JARID2: variants seen among roughly 807,000 people sequenced by gnomAD.
JARID2 encodes protein Jumonji.
A neutral mutation model predicts 125.6 loss-of-function variants in JARID2; 21 were observed. The ratio of observed to expected loss-of-function variants is 0.17; its 90% CI spans 0.12 to 0.24. JARID2 has a LOEUF of 0.24. Ranked by LOEUF, JARID2 falls within the 10% of genes least tolerant of loss-of-function variation. JARID2 has a pLI of 1.00. For missense variants in JARID2, 1,303 were observed against 1,639.6 expected (o/e 0.79, Z 3.55); for synonymous variants, 736 against 661.6 (o/e 1.11, Z -1.73).
At chr6:15,398,011 G>T (rs1382991107) in intron 2 of JARID2, among the ~76,000 whole-genome samples, 2 of 152,154 alleles carry the variant, frequency 1.3e-5, no homozygotes, top group Non-Finnish European at 2.9e-5. Context: ...AATAAGCAAG[G>T]CCACGGATGG....
intron 1 of JARID2, among the ~76,000 whole-genome samples, chr6:15,366,259 C>T (rs1039448140): frequency 2.5e-4 from 38 of 152,002 alleles, no homozygotes; most frequent in African/African-American, 8.7e-4. Flanking sequence ...AGTCATTTAT[C>T]CTTGGGAGGA....
chr6:15,356,667 G>A (rs887567387), intron 1 of JARID2, among the ~76,000 whole-genome samples: 2 of 152,212 alleles, frequency 1.3e-5, no homozygotes, highest in East Asian at 3.9e-4. Context: ...AGAGACAAGC[G>A]ACTGAGTTGT....
At chr6:15,249,311 C>A (rs895413356) in intron 1 of JARID2, among the ~76,000 whole-genome samples, 1 of 152,160 alleles carries the variant, frequency 6.6e-6, no homozygotes, top group Non-Finnish European at 1.5e-5. Context: ...GTTGCTCTTT[C>A]TGGAAGCTTT....
intron 3 of JARID2, among the ~76,000 whole-genome samples, chr6:15,419,011 T>A (rs1255509875): frequency 6.6e-6 from 1 of 152,218 alleles, no homozygotes; most frequent in Non-Finnish European, 1.5e-5. Flanking sequence ...GAATTGGGAT[T>A]ATTCAAAGTG....
rs1283084995 is a variant in JARID2 at position 15,246,325 on chromosome 6, G to C, written c.-215G>C. On this transcript the variant is annotated 5_prime_UTR_variant, in exon 1 of 18. Coordinates refer to ENST00000341776, the MANE Select transcript of JARID2 (RefSeq NM_004973.4). The stretch of plus-strand genomic sequence containing the variant: ...TACTAAAGTGAATTTTTTTTTGTTT[G>C]CTTCGTTCGTCTTTGGCTCTTTTTT... 2.0e-6 allele frequency: 1 copy of C among 490,862 alleles called. No homozygotes were observed. Among genetic ancestry groups the C allele is most frequent in the African/African-American group, 2.1e-5 (1 of 48,690 alleles). The allele number at this position is 490,862 out of a possible 1,614,324, so 30.4% of individuals were successfully genotyped here. A position where few individuals can be genotyped will look rare whatever the true frequency, so the allele number is the denominator to read the frequency against.
chr6:15,465,659 A>G (rs1055262028), intron 4 of JARID2, among the ~76,000 whole-genome samples: 2 of 151,700 alleles, frequency 1.3e-5, no homozygotes, highest in African/African-American at 4.8e-5. Context: ...TTTTAAAAAA[A>G]TCCTCAACAG....
In JARID2 at chr6:15,468,697, A is replaced by G. The variant is rs2127675954; in HGVS notation, c.649A>G (p.Lys217Glu). ...GACCCCCAGGAAAGGAAAAACCCAC[A>G]AACATGTTCACAACGGGCATGGTAG... Reference protein sequence around the residue: ...QSTPRKGKTHKHVHNGHVFNG... With the variant: ...QSTPRKGKTHEHVHNGHVFNG... Residue 217 changes from lysine to glutamate, a missense_variant, in exon 5 of 18, where the codon AAA becomes GAA. Coordinates refer to ENST00000341776, the MANE Select transcript of JARID2 (RefSeq NM_004973.4). 4 of 1,613,484 alleles carry G rather than the reference A, an allele frequency of 2.5e-6. No individual in the cohort carries two copies. The highest frequency in any genetic ancestry group is 3.4e-6 in the Non-Finnish European group (4 of 1,179,704).
chr6:15,327,269 G>A (rs707827), intron 1 of JARID2, among the ~76,000 whole-genome samples: 81,536 of 151,786 alleles, frequency 0.54, 22,844 homozygotes, highest in Admixed American at 0.66. Context: ...TTTAAGAGAC[G>A]GTCTTGCCCT....
chr6:15,393,370 T>C (rs931726359), intron 2 of JARID2, among the ~76,000 whole-genome samples: 2 of 152,272 alleles, frequency 1.3e-5, no homozygotes, highest in East Asian at 3.8e-4. Context: ...ATTTACCTTA[T>C]GTAGGTTTTC....
At chr6:15,448,618 A>G (rs1268902447) in intron 3 of JARID2, among the ~76,000 whole-genome samples, 2 of 152,242 alleles carry the variant, frequency 1.3e-5, no homozygotes, top group African/African-American at 4.8e-5. Context: ...ATTAAAAACC[A>G]GCAATTTTTC....
chr6:15,272,079 C>G (rs530392595), intron 1 of JARID2, among the ~76,000 whole-genome samples: 1 of 152,110 alleles, frequency 6.6e-6, no homozygotes, highest in Non-Finnish European at 1.5e-5. Context: ...GAGCCAGGAT[C>G]GTGCCATTGC....
intron 1 of JARID2, among the ~76,000 whole-genome samples, chr6:15,323,824 AGAAGAT>A (rs1196695524): frequency 6.6e-6 from 1 of 152,070 alleles, no homozygotes; most frequent in African/African-American, 2.4e-5. Flanking sequence ...CCCTGGAGGC[AGAAGAT>A]GCAGTGAGCT....
intron 6 of JARID2, among the ~76,000 whole-genome samples, chr6:15,491,993 G>A (rs768088111): frequency 1.3e-5 from 2 of 152,208 alleles, no homozygotes; most frequent in South Asian, 2.1e-4. Context: ...CTGGCCGAAC[G>A]TAACTTGAAA....
chr6:15,467,285 T>A (rs1768785469), intron 4 of JARID2, among the ~76,000 whole-genome samples: 1 of 152,180 alleles, frequency 6.6e-6, no homozygotes. Flanking sequence ...ATCTTTGAGA[T>A]CTCTATTTAG....
chr6:15,404,664 G>C (rs1300574495), intron 2 of JARID2, among the ~76,000 whole-genome samples: 1 of 152,166 alleles, frequency 6.6e-6, no homozygotes, highest in Non-Finnish European at 1.5e-5. Flanking sequence ...CAGGGTGACA[G>C]ACGGCATTGG....
chr6:15,257,847 C>T (rs1407197571), intron 1 of JARID2, among the ~76,000 whole-genome samples: 2 of 152,144 alleles, frequency 1.3e-5, no homozygotes, highest in African/African-American at 4.8e-5. Context: ...CTTCCTGTGT[C>T]CTCTCTCAGG....
chr6:15,270,167 A>G (rs1423910464), intron 1 of JARID2, among the ~76,000 whole-genome samples: 1 of 151,746 alleles, frequency 6.6e-6, no homozygotes, highest in African/African-American at 2.4e-5. Flanking sequence ...ACTTTCACTC[A>G]TGTTGCCCAG....
chr6:15,348,687 A>G (rs1037698012), intron 1 of JARID2, among the ~76,000 whole-genome samples: 1 of 152,056 alleles, frequency 6.6e-6, no homozygotes, highest in Admixed American at 6.6e-5. Context: ...ATTGTTCTTT[A>G]TTCTTCGCTG....
At chr6:15,487,268 A>G in intron 5 of JARID2, 39 bp from the exon 6 acceptor site, 2 of 1,554,470 alleles carry the variant, frequency 1.3e-6, no homozygotes, top group Non-Finnish European at 1.8e-6. Context: ...GTAGTGGTCA[A>G]GGTAGTGATT....
Sources: allele counts gnomAD v4.1 joint callset (sites outside exome capture counted in the v4.1 genomes callset), GRCh38; gene constraint gnomAD v4.1.1; transcripts MANE v1.5; gene names NCBI Gene and HGNC (gene_info 2026-07-23, HGNC 2026-07-21).